The following LY75 variants were observed in gnomAD, a reference collection of about 807,000 sequenced individuals.
LY75 encodes C-type lectin domain family 13 member B.
LY75 carries 185 observed loss-of-function variants against 231.7 expected under a neutral mutation model. That is an observed-to-expected ratio of 0.80 (90% confidence interval 0.71 to 0.90). The LOEUF (loss-of-function observed/expected upper bound fraction) is 0.90. LY75 is among the 40% of genes least tolerant of loss of function. The pLI is 0.00. For synonymous variants in LY75, 668 were observed against 689.0 expected (o/e 0.97, Z 0.48); for missense variants, 1,947 against 2,050.2 (o/e 0.95, Z 0.97).
At chr2:159,870,321 T>C (rs771616203) in intron 13 of LY75, among the ~76,000 whole-genome samples, 13 of 151,952 alleles carry the variant, frequency 8.6e-5, no homozygotes, top group Non-Finnish European at 1.6e-4. Context: ...TGTGGTGGCA[T>C]GTGATTGTAG....
intron 23 of LY75, 91 bp from the exon 24 acceptor site, chr2:159,842,465 C>T: frequency 7.8e-6 from 11 of 1,407,702 alleles, no homozygotes; most frequent in Non-Finnish European, 1.0e-5. Context: ...TTGAATTTGT[C>T]CCCCTATAAA....
In LY75 at chr2:159,834,125, A is replaced by G. The variant is rs917598949; in HGVS notation, c.3760T>C (p.Cys1254Arg). Residue 1254 changes from cysteine (C) to arginine (R), a missense_variant, in exon 27 of 35, where the codon TGT (cysteine) becomes CGT (arginine). Physicochemically the swap from Cys to Arg is radical, Grantham distance 180. Transcript: ENST00000263636. ...TTTGTTATTATGAAATTGTAGCAACAGTTCTGAAATGGTATCCACGGAGTA... is the reference window on the plus strand; with the variant it reads ...TTTGTTATTATGAAATTGTAGCAACGGTTCTGAAATGGTATCCACGGAGTA... Reference protein sequence around the residue: ...LNTPWIPFQNCCYNFIITKNR... With the variant: ...LNTPWIPFQNRCYNFIITKNR... 6.2e-7 allele frequency: 1 copy of G among 1,614,114 alleles called. No homozygotes were observed. The highest frequency in any genetic ancestry group is 1.7e-5 in the Admixed American group (1 of 60,016).
rs1223457394 is a variant in LY75, at chr2:159,840,894, C to G, written c.3342G>C (p.Leu1114=). The change falls in exon 25 of 35, where the codon CTG becomes CTC. Residue 1114 remains leucine, a synonymous_variant. Coordinates refer to ENST00000263636, the MANE Select transcript of LY75 (RefSeq NM_002349.4). ...TCAGAGTCTTTGGGATTATTTTGTA[C>G]AGATTATTTAGATACTTTACAGTTT... The part of the protein sequence containing the change: ...ASETVKYLNN[L]YKIIPKTLTW... The G allele has an allele frequency of 2.5e-6, 4 of 1,613,912 alleles. No homozygotes were observed. The Admixed American group carries it at 6.7e-5, about 27-fold the overall frequency.
intron 3 of LY75, among the ~76,000 whole-genome samples, chr2:159,893,278 ATTG>A (rs1418635163): frequency 6.6e-6 from 1 of 152,080 alleles, no homozygotes; most frequent in Non-Finnish European, 1.5e-5. Context: ...TTATTTCTCT[ATTG>A]CTCTTACAAG....
At chr2:159,805,373 C>T (rs1682762689) in intron 34 of LY75, 151 bp from the exon 35 acceptor site, 2 of 540,724 alleles carry the variant, frequency 3.7e-6, no homozygotes, top group Non-Finnish European at 3.3e-6. Context: ...ACATAGAATT[C>T]AAACTCATCG....
intron 26 of LY75, among the ~76,000 whole-genome samples, chr2:159,835,086 G>C (rs369285452): frequency 9.2e-5 from 14 of 152,172 alleles, no homozygotes; most frequent in African/African-American, 2.9e-4. Flanking sequence ...CTTGTCTTAA[G>C]CTAGCTTGAG....
chr2:159,810,713 A>G (rs71423030), intron 31 of LY75, 38 bp from the exon 32 acceptor site: 4 of 1,586,158 alleles, frequency 2.5e-6, no homozygotes, highest in African/African-American at 2.7e-5. Flanking sequence ...CAATGCATGG[A>G]AAAAAAAGAC....
Position 159,842,229 on chromosome 2 carries a change from A to G in LY75, c.3280+16T>C. 6.2e-7 allele frequency: 1 copy of G among 1,605,880 alleles called. No homozygotes were observed. Among genetic ancestry groups the G allele is most frequent in the Non-Finnish European group, 8.5e-7 (1 of 1,175,556 alleles). On this transcript the variant is annotated intron_variant, in intron 24 of 34. Transcript: ENST00000263636. ...ATAGCATAAAGTACCATAGTTATCT[A>G]GATAATAATTGTTACCTGAATATTT...
chr2:159,804,274 G>GGATTTGCTATATAAAAAGTAAGCA lies in LY75; in HGVS notation c.*769_*770insTGCTTACTTTTTATATAGCAAATC, dbSNP rs1682733080. On this transcript the variant is annotated 3_prime_UTR_variant, in exon 35 of 35. Transcript: ENST00000263636. The stretch of plus-strand genomic sequence containing the variant: ...TCATGCCTGTAATCCCAGCACTTTG[G>GGATTTGCTATATAAAAAGTAAGCA]GAGGCCGAGGCGGGAGGATCACCTG... 1 of 152,234 alleles carries GGATTTGCTATATAAAAAGTAAGCA rather than the reference G, an allele frequency of 6.6e-6. No homozygotes were observed. Among genetic ancestry groups the GGATTTGCTATATAAAAAGTAAGCA allele is most frequent in the African/African-American group, 2.4e-5 (1 of 41,448 alleles). 9.4% of individuals were successfully genotyped at this position (152,234 alleles called of 1,614,324 possible).
rs948677501 is a variant in LY75, at chr2:159,878,475, T to G, written c.1623A>C (p.Leu541=). The part of the protein sequence containing the change: ...TITSRFEQEY[L]NDLMKKYDKS... The stretch of plus-strand genomic sequence containing the variant: ...TATCATACTTTTTCATCAAATCATT[T>G]AGGTATTCTTGCTCAAATCTACAAA... The change falls in exon 11 of 35, where the codon CTA becomes CTC. Residue 541 remains leucine (L), a synonymous_variant. Transcript: ENST00000263636. 5 of 1,613,894 alleles carry G rather than the reference T, an allele frequency of 3.1e-6. No individual in the cohort carries two copies. In the African/African-American group the frequency reaches 6.7e-5, roughly 22 times the overall value.
At chr2:159,880,804 T>C (rs1685412223) in intron 8 of LY75, among the ~76,000 whole-genome samples, 1 of 152,146 alleles carries the variant, frequency 6.6e-6, no homozygotes, top group East Asian at 1.9e-4. Context: ...CCCTTGCATG[T>C]GCAGTTCATA....
intron 28 of LY75, among the ~76,000 whole-genome samples, chr2:159,826,578 A>G (rs1343563785): frequency 6.6e-6 from 1 of 152,204 alleles, no homozygotes; most frequent in African/African-American, 2.4e-5. Flanking sequence ...GCTACCACTG[A>G]CTTTCTTCAC....
rs1446238493 is a variant in LY75, at chr2:159,874,832, T to A, written c.1974+612A>T. On this transcript the variant is annotated intron_variant, in intron 12 of 34. Coordinates refer to ENST00000263636, the MANE Select transcript of LY75 (RefSeq NM_002349.4). ...TGTAAATTTATGTAAATATATATATTTTGTAAATATATGTAAATATATATA... is the reference window on the plus strand; with the variant it reads ...TGTAAATTTATGTAAATATATATATATTGTAAATATATGTAAATATATATA... Among the ~76,000 whole-genome samples, 6 of 56,426 alleles carry A rather than the reference T, an allele frequency of 1.1e-4. No homozygotes were observed. In the East Asian group the frequency reaches 2.9e-3, roughly 27 times the overall value. The allele number at this position is 56,426 out of a possible 152,430, so 37.0% of individuals were successfully genotyped here. A position where few individuals can be genotyped will look rare whatever the true frequency, so the allele number is the denominator to read the frequency against.
rs530394816 is a variant in LY75 at position 159,842,453 on chromosome 2, G to T, written c.3151-79C>A. 2.8e-5 allele frequency: 40 copies of T among 1,444,732 alleles called. No homozygotes were observed. In the South Asian group the frequency reaches 4.9e-4, roughly 18 times the overall value. The allele number at this position is 1,444,732 out of a possible 1,614,324, so 89.5% of individuals were successfully genotyped here. ...CCTAGCAAGAAAAGTTTAGATTCTA[G>T]ATTGAATTTGTCCCCCTATAAAAGA... On this transcript the variant is annotated intron_variant, in intron 23 of 34. Coordinates refer to ENST00000263636, the MANE Select transcript of LY75 (RefSeq NM_002349.4).
At chr2:159,821,215 TAAAAA>T (rs35783239) in intron 28 of LY75, among the ~76,000 whole-genome samples, 1 of 144,420 alleles carries the variant, frequency 6.9e-6, no homozygotes, top group Non-Finnish European at 1.5e-5. Flanking sequence ...TATCCACATG[TAAAAA>T]AAAAAAAAAA....
intron 31 of LY75, among the ~76,000 whole-genome samples, chr2:159,814,162 C>A (rs576057532): frequency 6.6e-6 from 1 of 152,338 alleles, no homozygotes; most frequent in East Asian, 1.9e-4. Flanking sequence ...CCAGCCTGTC[C>A]TGCAGGCCTC....
chr2:159,885,406 A>C, intron 5 of LY75, 113 bp from the exon 6 acceptor site: 1 of 1,371,646 alleles, frequency 7.3e-7, no homozygotes, highest in East Asian at 2.4e-5. Context: ...CTCATATTAT[A>C]GTTAAAACTT....
chr2:159,893,640 T>G (rs1685824110), intron 3 of LY75, among the ~76,000 whole-genome samples: 2 of 152,142 alleles, frequency 1.3e-5, no homozygotes, highest in Admixed American at 1.3e-4. Flanking sequence ...TTCCTAATTG[T>G]GCATGCCTTT....
chr2:159,813,280 T>C (rs1328264252), intron 31 of LY75, among the ~76,000 whole-genome samples: 1 of 152,056 alleles, frequency 6.6e-6, no homozygotes, highest in East Asian at 1.9e-4. Context: ...CAGCAGTGCA[T>C]AAGGGTTCCA....
Sources: allele counts gnomAD v4.1 joint callset (sites outside exome capture counted in the v4.1 genomes callset), GRCh38; gene constraint gnomAD v4.1.1; transcripts MANE v1.5; gene names NCBI Gene and HGNC (gene_info 2026-07-23, HGNC 2026-07-21).